The following ESF1 variants were observed in gnomAD, a reference collection of about 807,000 sequenced individuals.
The protein encoded by ESF1 is ESF1 nucleolar pre-rRNA processing protein.
In ESF1, 58 loss-of-function variants were observed where a neutral mutation model predicts 92.0. That is an observed-to-expected ratio of 0.63 (90% CI 0.51 to 0.78). The LOEUF (loss-of-function observed/expected upper bound fraction) is 0.78. Among genes scored for constraint, ESF1 ranks in the 30% least tolerant of loss-of-function variants. The pLI is 0.00. For synonymous variants in ESF1, 321 were observed against 313.7 expected (o/e 1.02, Z -0.24); for missense variants, 922 against 989.1 (o/e 0.93, Z 0.91).
intron 1 of ESF1, among the ~76,000 whole-genome samples, chr20:13,784,304 A>G (rs1277352519): frequency 3.6e-5 from 5 of 137,586 alleles, no homozygotes. Flanking sequence ...AAAATGATTA[A>G]AAGGGCAATA....
At chr20:13,772,257 A>G (rs1187266563) in intron 5 of ESF1, among the ~76,000 whole-genome samples, 1 of 152,106 alleles carries the variant, frequency 6.6e-6, no homozygotes, top group African/African-American at 2.4e-5. Context: ...AAAGAACTCC[A>G]AATCAGTTTA....
At chr20:13,742,869 G>GA (rs2050024459) in intron 9 of ESF1, among the ~76,000 whole-genome samples, 1 of 152,068 alleles carries the variant, frequency 6.6e-6, no homozygotes, top group East Asian at 1.9e-4. Context: ...TCTTCAAAAA[G>GA]AAACCCTGTT....
chr20:13,772,113 T>C (rs1356051283), intron 5 of ESF1, among the ~76,000 whole-genome samples: 2 of 151,682 alleles, frequency 1.3e-5, no homozygotes, highest in African/African-American at 4.8e-5. Flanking sequence ...AAAAGTTTTA[T>C]CATTCTTTCA....
intron 7 of ESF1, among the ~76,000 whole-genome samples, chr20:13,768,851 C>T (rs1486405021): frequency 4.8e-5 from 7 of 144,656 alleles, no homozygotes; most frequent in Admixed American, 1.4e-4. Flanking sequence ...GAGCAGAGAT[C>T]GCGCCACTGC....
chr20:13,734,943 G>T (rs989130551), intron 9 of ESF1, among the ~76,000 whole-genome samples: 1 of 152,020 alleles, frequency 6.6e-6, no homozygotes, highest in Non-Finnish European at 1.5e-5. Context: ...GCTAAATTTT[G>T]AATTCCTGGT....
At chr20:13,740,832 T>C (rs868324387) in intron 9 of ESF1, among the ~76,000 whole-genome samples, 1 of 152,292 alleles carries the variant, frequency 6.6e-6, no homozygotes, top group Middle Eastern at 3.4e-3. Flanking sequence ...TTAAAATACT[T>C]GTTCTTTAGT....
In ESF1 at chr20:13,783,078, T is replaced by C. The variant is rs1386504357; in HGVS notation, c.63A>G (p.Arg21=). 2 of 1,613,864 alleles carry C rather than the reference T, an allele frequency of 1.2e-6. No homozygotes were observed. Among genetic ancestry groups the C allele is most frequent in the Non-Finnish European group, 1.7e-6 (2 of 1,180,002 alleles). Residue 21 remains arginine, a synonymous_variant, in exon 2 of 14, where the codon AGA becomes AGG. Transcript: ENST00000617257. ...QRFRRVAKDP[R]FWEMPEKDRK... Reference sequence around the variant, plus strand: ...GATCCTTTTCTGGCATTTCCCAAAATCTCGGGTCCTTTGCAACCCGTCTAA... The same window carrying C: ...GATCCTTTTCTGGCATTTCCCAAAACCTCGGGTCCTTTGCAACCCGTCTAA...
chr20:13,760,603 C>T (rs1319172945), intron 8 of ESF1, among the ~76,000 whole-genome samples: 108 of 151,424 alleles, frequency 7.1e-4, no homozygotes, highest in African/African-American at 2.2e-3. Flanking sequence ...GCCCGGCAGC[C>T]ACCCCGTCTG....
chr20:13,773,759 G>C (rs185280528), intron 4 of ESF1, among the ~76,000 whole-genome samples: 10 of 152,116 alleles, frequency 6.6e-5, no homozygotes, highest in Admixed American at 2.0e-4. Context: ...GCCGAGAAGC[G>C]ACAGGGTGAG....
Position 13,772,704 on chromosome 20 carries a change from C to T in ESF1, c.1150-89G>A, listed in dbSNP as rs1173490192. 9.3e-6 allele frequency: 8 copies of T among 863,818 alleles called. No homozygotes were observed. In the East Asian group the frequency reaches 9.9e-5, roughly 11 times the overall value. 53.5% of individuals were successfully genotyped at this position (863,818 alleles called of 1,614,324 possible). Reference sequence around the variant, plus strand: ...TCGAAGTCAGGAACTCTAAAAGTCACAACTTGACTCAATGAAAACAGTAAG... The same window carrying T: ...TCGAAGTCAGGAACTCTAAAAGTCATAACTTGACTCAATGAAAACAGTAAG... On this transcript the variant is annotated intron_variant, in intron 4 of 13. Coordinates refer to ENST00000617257, the MANE Select transcript of ESF1 (RefSeq NM_001276380.2).
chr20:13,740,509 T>C (rs1343621797), intron 9 of ESF1, among the ~76,000 whole-genome samples: 5 of 152,130 alleles, frequency 3.3e-5, no homozygotes, highest in Non-Finnish European at 7.4e-5. Flanking sequence ...AAATATGAGT[T>C]ATCAGATTCA....
intron 4 of ESF1, among the ~76,000 whole-genome samples, chr20:13,773,338 C>T (rs991564844): frequency 1.3e-5 from 2 of 152,168 alleles, no homozygotes; most frequent in African/African-American, 2.4e-5. Flanking sequence ...ATAGTATATA[C>T]ACAATAGGTT....
At chr20:13,730,829 A>T (rs1325711692) in intron 10 of ESF1, among the ~76,000 whole-genome samples, 1 of 152,074 alleles carries the variant, frequency 6.6e-6, no homozygotes, top group East Asian at 1.9e-4. Flanking sequence ...CAACAGCTAG[A>T]TCAAAATACT....
chr20:13,771,246 A>G (rs756424204), intron 6 of ESF1, 85 bp downstream of exon 6: 41 of 1,261,920 alleles, frequency 3.2e-5, no homozygotes, highest in Non-Finnish European at 4.3e-5. Flanking sequence ...AATATAAAAC[A>G]GAGATCACTA....
In ESF1 at chr20:13,730,631, G is replaced by A. The variant is rs189737354; in HGVS notation, c.1951-2166C>T. Among the ~76,000 whole-genome samples the A allele has an allele frequency of 2.5e-3, 379 of 151,826 alleles. 1 individual carries two copies. Among genetic ancestry groups the A allele is most frequent in the African/African-American group, 8.8e-3 (363 of 41,386 alleles). On this transcript the variant is annotated intron_variant, in intron 10 of 13. Coordinates refer to ENST00000617257, the MANE Select transcript of ESF1 (RefSeq NM_001276380.2). ...GATCTCCTGACCTTGTGATCCGCCCGCCTCGGCCTCCCAAAGTACTGGGTT... is the reference window on the plus strand; with the variant it reads ...GATCTCCTGACCTTGTGATCCGCCCACCTCGGCCTCCCAAAGTACTGGGTT...
In ESF1 at chr20:13,783,163, AAT is replaced by A. The variant is rs1980313667; in HGVS notation, c.-25_-24del. On this transcript the variant is annotated 5_prime_UTR_variant, in exon 2 of 14. Transcript: ENST00000617257. ...CATTTTTAATTCTTAATCTCGACCA[AAT>A]GCTTGAAGAAAACAAATACTGAAAA... 3 of 1,579,340 alleles carry A rather than the reference AAT, an allele frequency of 1.9e-6. No individual in the cohort carries two copies. The highest frequency in any genetic ancestry group is 2.7e-5 in the African/African-American group (2 of 73,394).
At chr20:13,734,581 G>C (rs1030601715) in intron 9 of ESF1, among the ~76,000 whole-genome samples, 1 of 152,092 alleles carries the variant, frequency 6.6e-6, no homozygotes, top group Non-Finnish European at 1.5e-5. Flanking sequence ...AACTAGAGGG[G>C]GTAACAAGGT....
At chr20:13,757,517 G>A (rs1568721892) in intron 9 of ESF1, among the ~76,000 whole-genome samples, 1 of 152,168 alleles carries the variant, frequency 6.6e-6, no homozygotes, top group Non-Finnish European at 1.5e-5. Flanking sequence ...TACCACCTCA[G>A]CCTCCCCAGT....
chr20:13,774,060 A>G (rs1220257061), intron 4 of ESF1, among the ~76,000 whole-genome samples: 5 of 151,716 alleles, frequency 3.3e-5, no homozygotes, highest in Non-Finnish European at 7.4e-5. Flanking sequence ...GCGCCACTGC[A>G]CTCCAGCCTG....
Sources: allele counts gnomAD v4.1 joint callset (sites outside exome capture counted in the v4.1 genomes callset), GRCh38; gene constraint gnomAD v4.1.1; transcripts MANE v1.5; gene names NCBI Gene and HGNC (gene_info 2026-07-23, HGNC 2026-07-21).